The following ADAMTS16 variants were observed in gnomAD, a reference collection of about 807,000 sequenced individuals.
ADAMTS16 encodes the protein ADAM metallopeptidase with thrombospondin type 1 motif 16.
ADAMTS16 carries 94 observed loss-of-function variants against 145.8 expected under a neutral mutation model. That is an observed-to-expected ratio of 0.64 (90% CI 0.55 to 0.77). ADAMTS16 has a LOEUF of 0.77. Ranked by LOEUF, ADAMTS16 falls within the 30% of genes least tolerant of loss-of-function variation. ADAMTS16 has a pLI of 0.00. For synonymous variants in ADAMTS16, 659 were observed against 604.3 expected, an observed-to-expected ratio of 1.09 and a Z score of -1.33; for missense variants, 1,585 against 1,591.5, an observed-to-expected ratio of 1.00 and a Z score of 0.07.
At chr5:5,318,449 C>A (rs1734146467) in intron 22 of ADAMTS16, among the ~76,000 whole-genome samples, 168 bp downstream of exon 22, 1 of 152,206 alleles carries the variant, frequency 6.6e-6, no homozygotes, top group African/African-American at 2.4e-5. Flanking sequence ...GCAGACCGGG[C>A]TGCCTCTCAT....
chr5:5,259,472 T>C (rs1447980973), intron 17 of ADAMTS16, among the ~76,000 whole-genome samples: 1 of 152,240 alleles, frequency 6.6e-6, no homozygotes, highest in Non-Finnish European at 1.5e-5. Flanking sequence ...AGGTTAAGGA[T>C]AGGCCAGGAG....
chr5:5,207,711 A>AT (rs71604112), intron 9 of ADAMTS16, among the ~76,000 whole-genome samples: 29,964 of 146,758 alleles, frequency 0.2, 3,170 homozygotes, highest in East Asian at 0.35. Context: ...GTTTGCTGGG[A>AT]TTTTTTTTTT....
intron 17 of ADAMTS16, among the ~76,000 whole-genome samples, chr5:5,243,658 T>C (rs1374117690): frequency 3.3e-5 from 5 of 152,226 alleles, no homozygotes; most frequent in Admixed American, 6.5e-5. Context: ...AAGTATGAAT[T>C]TTTGAACTCT....
chr5:5,211,791 A>G (rs950226279), intron 10 of ADAMTS16, among the ~76,000 whole-genome samples: 3 of 152,164 alleles, frequency 2.0e-5, no homozygotes, highest in Non-Finnish European at 4.4e-5. Context: ...TTAACTGGTA[A>G]TTTCATTAAC....
At position 5,303,715 on chromosome 5, in the gene ADAMTS16, G is replaced by T; in HGVS notation, c.3135G>T (p.Gln1045His). The T allele has an allele frequency of 6.2e-7, 1 of 1,613,456 alleles. No homozygotes were observed. The highest frequency in any genetic ancestry group is 8.5e-7 in the Non-Finnish European group (1 of 1,180,040). ...GGATGCATGAAGCCTGTCTGCTTCA[G>T]CGCTGCCACAAGCCCAAGAAGCTGC... ...KPRMHEACLL[Q>H]RCHKPKKLQW... Residue 1045 changes from glutamine to histidine, a missense_variant, in exon 20 of 23, where the codon CAG (glutamine) becomes CAT (histidine). This residue lies in a region of ADAMTS16 where 834 missense variants were observed against 811.7 expected (regional missense o/e 1.03). Coordinates refer to ENST00000274181, the MANE Select transcript of ADAMTS16 (RefSeq NM_139056.4).
chr5:5,140,872 C>A, intron 2 of ADAMTS16, 106 bp downstream of exon 2: 1 of 1,146,474 alleles, frequency 8.7e-7, no homozygotes, highest in Non-Finnish European at 1.2e-6. Flanking sequence ...CTGTGGAACC[C>A]TACTTTTAAG....
chr5:5,246,264 T>A (rs773166064), intron 17 of ADAMTS16, among the ~76,000 whole-genome samples: 3 of 152,254 alleles, frequency 2.0e-5, no homozygotes, highest in Non-Finnish European at 4.4e-5. Context: ...CCAACATGTA[T>A]GCTGTAATGT....
chr5:5,268,278 C>T (rs578197737), intron 18 of ADAMTS16, among the ~76,000 whole-genome samples: 2 of 152,320 alleles, frequency 1.3e-5, no homozygotes, highest in East Asian at 1.9e-4. Context: ...TATGTTCCCA[C>T]GTATCTCCCA....
At chr5:5,296,593 GC>G in intron 18 of ADAMTS16, among the ~76,000 whole-genome samples, 1 of 151,612 alleles carries the variant, frequency 6.6e-6, no homozygotes, top group Non-Finnish European at 1.5e-5. Context: ...AGTCATCCAG[GC>G]CCCCAGGCTT....
chr5:5,317,543 C>T lies in ADAMTS16; in HGVS notation c.3412-591C>T, dbSNP rs1734104795. ...CCAAGTAGCTGGGATTACAGGTGCC[C>T]ACCACCAGGCCCAGCTAATTTTTTT... On this transcript the variant is annotated intron_variant, in intron 21 of 22. Coordinates refer to ENST00000274181, the MANE Select transcript of ADAMTS16 (RefSeq NM_139056.4). This position sits in a 1 kb window ranked among gnomAD's most constrained non-coding sequence, Gnocchi z 4.5. 2.0e-5 allele frequency among the ~76,000 whole-genome samples: 3 copies of T among 151,980 alleles called. No individual in the cohort carries two copies. The highest frequency in any genetic ancestry group is 2.0e-4 in the Admixed American group (3 of 15,258).
At chr5:5,154,744 T>C (rs979085540) in intron 3 of ADAMTS16, among the ~76,000 whole-genome samples, 1 of 152,192 alleles carries the variant, frequency 6.6e-6, no homozygotes, top group African/African-American at 2.4e-5. Context: ...TACTTCATCA[T>C]CATGAAATAG....
chr5:5,188,878 A>G (rs1317761341), intron 6 of ADAMTS16, among the ~76,000 whole-genome samples: 2 of 152,090 alleles, frequency 1.3e-5, no homozygotes, highest in Non-Finnish European at 2.9e-5. Context: ...CAGGTTAATT[A>G]TTCCTGGTAT....
At chr5:5,304,429 C>T (rs1474073832) in intron 20 of ADAMTS16, among the ~76,000 whole-genome samples, 2 of 152,084 alleles carry the variant, frequency 1.3e-5, no homozygotes, top group Non-Finnish European at 2.9e-5. Context: ...GGAAATCTTA[C>T]ACCCCACAGA....
chr5:5,222,408 C>T (rs1418878768), intron 10 of ADAMTS16, among the ~76,000 whole-genome samples: 1 of 152,062 alleles, frequency 6.6e-6, no homozygotes, highest in Non-Finnish European at 1.5e-5. Flanking sequence ...AGAATTCAGA[C>T]TTGGACAGAT....
chr5:5,184,554 C>G (rs761961113), intron 4 of ADAMTS16, among the ~76,000 whole-genome samples: 1 of 152,030 alleles, frequency 6.6e-6, no homozygotes, highest in Non-Finnish European at 1.5e-5. Flanking sequence ...AAAATGGGAG[C>G]CTTTTCTGTG....
At chr5:5,305,448 A>T in intron 20 of ADAMTS16, among the ~76,000 whole-genome samples, 2 of 44,810 alleles carry the variant, frequency 4.5e-5, no homozygotes, top group East Asian at 1.0e-3. Flanking sequence ...ACACACACAC[A>T]TCCACACCAC....
At chr5:5,253,842 C>A (rs1387588133) in intron 17 of ADAMTS16, among the ~76,000 whole-genome samples, 1 of 152,214 alleles carries the variant, frequency 6.6e-6, no homozygotes, top group Non-Finnish European at 1.5e-5. Context: ...CTCTGGACTT[C>A]CAAGACCTGT....
intron 9 of ADAMTS16, among the ~76,000 whole-genome samples, chr5:5,202,613 T>C (rs73038202): frequency 0.019 from 2,906 of 152,344 alleles, 109 homozygotes; most frequent in African/African-American, 0.067. Flanking sequence ...CTCACCATGC[T>C]GTTATTTGCA....
intron 2 of ADAMTS16, among the ~76,000 whole-genome samples, chr5:5,145,008 T>C (rs550881874): frequency 7.2e-5 from 11 of 152,316 alleles, no homozygotes; most frequent in Middle Eastern, 3.4e-3. Flanking sequence ...CCTTTTGGAA[T>C]TGAGCTCTCC....
Sources: allele counts gnomAD v4.1 joint callset (sites outside exome capture counted in the v4.1 genomes callset), GRCh38; gene constraint gnomAD v4.1.1; regional missense constraint gnomAD v4.1.1; non-coding constraint Gnocchi (gnomAD v3.1); transcripts MANE v1.5; gene names NCBI Gene and HGNC (gene_info 2026-07-23, HGNC 2026-07-21).